The following KIFAP3 variants were observed in gnomAD, a reference collection of about 807,000 sequenced individuals.
KIFAP3 encodes kinesin associated protein 3, also known as kinesin-associated protein 3.
KIFAP3 carries 68 observed loss-of-function variants against 106.5 expected under a neutral mutation model. The ratio of observed to expected loss-of-function variants is 0.64; its 90% CI spans 0.53 to 0.78. KIFAP3 has a LOEUF of 0.78. Ranked by LOEUF, KIFAP3 falls within the 30% of genes least tolerant of loss-of-function variation. KIFAP3 has a pLI of 0.00. For missense variants in KIFAP3, 780 were observed against 941.8 expected (o/e 0.83, Z 2.25); for synonymous variants, 320 against 311.5 (o/e 1.03, Z -0.29).
At chr1:169,956,423 GA>G (rs1182932644) in intron 18 of KIFAP3, among the ~76,000 whole-genome samples, 1 of 152,078 alleles carries the variant, frequency 6.6e-6, no homozygotes, top group African/African-American at 2.4e-5. Context: ...AGGGAACAAT[GA>G]GTAGCAAAAG....
At chr1:169,977,979 T>C in intron 16 of KIFAP3, 106 bp downstream of exon 16, 2 of 735,944 alleles carry the variant, frequency 2.7e-6, no homozygotes, top group East Asian at 2.7e-5. Context: ...CAAAACTTAG[T>C]GTTTTCTACG....
intron 19 of KIFAP3, among the ~76,000 whole-genome samples, chr1:169,926,261 C>T (rs1256103358): frequency 1.3e-5 from 2 of 152,182 alleles, no homozygotes; most frequent in African/African-American, 2.4e-5. Context: ...TCTGAAACCA[C>T]ACAAGGAGTC....
intron 19 of KIFAP3, among the ~76,000 whole-genome samples, chr1:169,935,856 T>C (rs563132904): frequency 6.6e-6 from 1 of 152,146 alleles, no homozygotes. Context: ...ATAAATTATA[T>C]GACAGAGTCC....
chr1:170,022,356 T>C (rs1454293204), intron 9 of KIFAP3, among the ~76,000 whole-genome samples: 1 of 152,180 alleles, frequency 6.6e-6, no homozygotes, highest in Non-Finnish European at 1.5e-5. Flanking sequence ...TTTCAGCCTT[T>C]AGTTGCACCT....
intron 1 of KIFAP3, among the ~76,000 whole-genome samples, chr1:170,059,775 C>T (rs1225970645): frequency 2.0e-5 from 3 of 152,162 alleles, no homozygotes; most frequent in Non-Finnish European, 4.4e-5. Context: ...CAATAAAATA[C>T]TGGCAAACTG....
chr1:169,971,828 G>A (rs1001099606), intron 17 of KIFAP3, among the ~76,000 whole-genome samples: 11 of 151,970 alleles, frequency 7.2e-5, no homozygotes, highest in South Asian at 4.1e-4. Context: ...GTGGTTGTGC[G>A]TAGCAGTATA....
At chr1:169,993,649 A>ACTTT (rs879612010) in intron 10 of KIFAP3, among the ~76,000 whole-genome samples, 58,203 of 58,224 alleles carry the variant, frequency 1, 29,097 homozygotes, top group Middle Eastern at 1. Context: ...TGTACCCAGA[A>ACTTT]GGTGAGGCTT....
chr1:169,967,406 T>G (rs1348749104), intron 17 of KIFAP3, among the ~76,000 whole-genome samples: 2 of 151,836 alleles, frequency 1.3e-5, no homozygotes, highest in African/African-American at 2.4e-5. Context: ...CTATGTGCTC[T>G]GGGAATCCTC....
At chr1:170,044,056 C>A (rs1222156792) in intron 3 of KIFAP3, among the ~76,000 whole-genome samples, 1 of 152,064 alleles carries the variant, frequency 6.6e-6, no homozygotes, top group Non-Finnish European at 1.5e-5. Flanking sequence ...TGCTGGGAAC[C>A]CAAATCCCTT....
At chr1:170,031,591 G>A (rs1396021357) in intron 8 of KIFAP3, among the ~76,000 whole-genome samples, 1 of 151,628 alleles carries the variant, frequency 6.6e-6, no homozygotes, top group African/African-American at 2.4e-5. Context: ...AAGTAAGTTA[G>A]GGCTGAAGAG....
intron 18 of KIFAP3, among the ~76,000 whole-genome samples, chr1:169,957,083 A>C (rs1359276005): frequency 1.3e-5 from 2 of 152,098 alleles, no homozygotes; most frequent in Non-Finnish European, 2.9e-5. Context: ...GAAATATCTT[A>C]TTTTTTCTTA....
chr1:170,056,672 T>C (rs932023191), intron 1 of KIFAP3, among the ~76,000 whole-genome samples: 1 of 152,220 alleles, frequency 6.6e-6, no homozygotes, highest in Non-Finnish European at 1.5e-5. Flanking sequence ...TAATTATGCA[T>C]ATTTTTAAAG....
chr1:169,978,676 C>T (rs892690218), intron 15 of KIFAP3, among the ~76,000 whole-genome samples: 1 of 151,948 alleles, frequency 6.6e-6, no homozygotes, highest in Admixed American at 6.6e-5. Context: ...ATTTACATAA[C>T]AGCTGATGTC....
chr1:169,939,265 T>G (rs1381564742), intron 19 of KIFAP3, among the ~76,000 whole-genome samples: 1 of 151,790 alleles, frequency 6.6e-6, no homozygotes, highest in Non-Finnish European at 1.5e-5. Context: ...ATTCCAGAAA[T>G]GAAATGAAAA....
At chr1:169,942,914 C>CCCA (rs1165885131) in intron 19 of KIFAP3, among the ~76,000 whole-genome samples, 2 of 97,678 alleles carry the variant, frequency 2.0e-5, no homozygotes, top group Non-Finnish European at 3.8e-5. Context: ...AAAGACGCCC[C>CCCA]CCCCCACCCC....
Position 169,982,063 on chromosome 1 carries a change from AACC to A in KIFAP3, c.1704_1706del (p.Val569del). On this transcript the variant is annotated inframe_deletion, in exon 15 of 20. Transcript: ENST00000361580. The stretch of plus-strand genomic sequence containing the variant: ...CCATGGATACAGTTCCAATCATTAT[AACC>A]ACTTCTAAAACAAGATCATCTTCTG... 1 of 1,613,516 alleles carries A rather than the reference AACC, an allele frequency of 6.2e-7. No individual in the cohort carries two copies. The highest frequency in any genetic ancestry group is 1.1e-5 in the South Asian group (1 of 91,026).
intron 17 of KIFAP3, among the ~76,000 whole-genome samples, chr1:169,971,417 T>C (rs1197293312): frequency 6.6e-6 from 1 of 152,078 alleles, no homozygotes; most frequent in African/African-American, 2.4e-5. Flanking sequence ...CAGTGACCTA[T>C]GTGTGAAATG....
upstream of KIFAP3, among the ~76,000 whole-genome samples, chr1:170,078,754 T>G (rs543770686): frequency 9.8e-5 from 15 of 152,344 alleles, no homozygotes; most frequent in South Asian, 3.1e-3. Context: ...AATGTCAATT[T>G]AGATACTTTC....
intron 8 of KIFAP3, among the ~76,000 whole-genome samples, chr1:170,031,509 AAC>A (rs1457743798): frequency 6.6e-6 from 1 of 151,692 alleles, no homozygotes; most frequent in African/African-American, 2.4e-5. Context: ...TTTTCTATTA[AAC>A]AAGAGAAATA....
Sources: allele counts gnomAD v4.1 joint callset (sites outside exome capture counted in the v4.1 genomes callset), GRCh38; gene constraint gnomAD v4.1.1; transcripts MANE v1.5; gene names NCBI Gene and HGNC (gene_info 2026-07-23, HGNC 2026-07-21).